Variants in WWOX observed in about 807,000 individuals in gnomAD.
WWOX encodes the protein WW domain containing oxidoreductase, also known as WW domain-containing oxidoreductase.
A neutral mutation model predicts 46.2 loss-of-function variants in WWOX; 69 were observed. That is an observed-to-expected ratio of 1.49 (90% CI 1.23 to 1.82). The LOEUF is 1.82. Ranked by LOEUF, WWOX falls within the 40% of genes most tolerant of loss-of-function variation. The pLI is 0.00. For missense variants in WWOX, 919 were observed against 542.6 expected (o/e 1.69, Z -6.89); for synonymous variants, 359 against 202.6 (o/e 1.77, Z -6.56).
chr16:78,874,036 C>A (rs552409951), intron 8 of WWOX, among the ~76,000 whole-genome samples: 14 of 151,428 alleles, frequency 9.2e-5, no homozygotes, highest in African/African-American at 1.5e-4. Context: ...CCGGGGTGGG[C>A]GGATCACAAG....
intron 8 of WWOX, among the ~76,000 whole-genome samples, chr16:79,113,599 A>C (rs555880194): frequency 1.3e-5 from 2 of 152,248 alleles, no homozygotes; most frequent in African/African-American, 4.8e-5. Flanking sequence ...CCTGTCGCCA[A>C]AGAAGGTCCC....
chr16:78,208,357 C>G (rs2036458561), intron 5 of WWOX, among the ~76,000 whole-genome samples: 1 of 152,124 alleles, frequency 6.6e-6, no homozygotes, highest in Admixed American at 6.5e-5. Context: ...TTTATATGTT[C>G]TTGGTCCTTT....
rs749795340 is a variant in WWOX, at chr16:78,440,625, C to CT, written c.1056+7882dup. The stretch of plus-strand genomic sequence containing the variant: ...ATAATTTCTGTAGTTTTTTTTTTTT[C>CT]TTTTTTTTTGAGACGGAGTGTCTCT... On this transcript the variant is annotated intron_variant, in intron 8 of 8. Coordinates refer to ENST00000566780, the MANE Select transcript of WWOX (RefSeq NM_016373.4). Among the ~76,000 whole-genome samples the CT allele has an allele frequency of 9.1e-3, 1,148 of 126,534 alleles. 5 individuals are homozygous for CT. The highest frequency in any genetic ancestry group is 0.013 in the Non-Finnish European group (782 of 61,706). The allele number at this position is 126,534 out of a possible 152,430, so 83.0% of individuals were successfully genotyped here.
rs1208430333 is a variant in WWOX, at chr16:78,338,167, GAAAC to G, written c.517-48688_517-48685del. On this transcript the variant is annotated intron_variant, in intron 5 of 8. Coordinates refer to ENST00000566780, the MANE Select transcript of WWOX (RefSeq NM_016373.4). Reference sequence around the variant, plus strand: ...ACTATTAATATGAATTTATCACATGGAAACAAACTTTTAAAAAAATTAATTTTGT... The same window carrying G: ...ACTATTAATATGAATTTATCACATGGAAACTTTTAAAAAAATTAATTTTGT... Among the ~76,000 whole-genome samples, 4 of 104,994 alleles carry G rather than the reference GAAAC, an allele frequency of 3.8e-5. 1 individual carries two copies. Among genetic ancestry groups the G allele is most frequent in the African/African-American group, 1.4e-4 (4 of 27,888 alleles). The allele number at this position is 104,994 out of a possible 152,430, so 68.9% of individuals were successfully genotyped here. A position where few individuals can be genotyped will look rare whatever the true frequency, so the allele number is the denominator to read the frequency against.
At chr16:78,363,536 C>G (rs576788567) in intron 5 of WWOX, among the ~76,000 whole-genome samples, 7 of 152,140 alleles carry the variant, frequency 4.6e-5, no homozygotes, top group Non-Finnish European at 7.3e-5. Flanking sequence ...AGCTTGGCCT[C>G]CCAAAGTGCT....
intron 8 of WWOX, among the ~76,000 whole-genome samples, chr16:78,819,446 C>T (rs868696352): frequency 2.0e-5 from 3 of 152,292 alleles, no homozygotes; most frequent in Middle Eastern, 3.4e-3. Flanking sequence ...ATGACAATGA[C>T]CCAACAACCT....
intron 8 of WWOX, among the ~76,000 whole-genome samples, chr16:78,860,198 A>T (rs188943553): frequency 3.9e-5 from 6 of 152,322 alleles, no homozygotes; most frequent in South Asian, 2.1e-4. Context: ...TTTACCAAAT[A>T]TTTACTTATA....
chr16:78,753,149 A>T (rs1193883113), intron 8 of WWOX, among the ~76,000 whole-genome samples: 1 of 151,970 alleles, frequency 6.6e-6, no homozygotes, highest in Admixed American at 6.6e-5. Flanking sequence ...ACAAAAACAA[A>T]ATTAGCCGGG....
intron 8 of WWOX, among the ~76,000 whole-genome samples, chr16:79,207,011 C>G (rs925760721): frequency 6.6e-6 from 1 of 152,146 alleles, no homozygotes; most frequent in Non-Finnish European, 1.5e-5. Context: ...ATCCCAAGCA[C>G]CGAGGTATCT....
chr16:78,828,370 G>T (rs560845426), intron 8 of WWOX, among the ~76,000 whole-genome samples: 1 of 152,098 alleles, frequency 6.6e-6, no homozygotes, highest in Non-Finnish European at 1.5e-5. Flanking sequence ...TGAGAAGAAC[G>T]GATACGGTTA....
chr16:78,686,705 T>C (rs2047869613), intron 8 of WWOX, among the ~76,000 whole-genome samples: 1 of 152,134 alleles, frequency 6.6e-6, no homozygotes, highest in Non-Finnish European at 1.5e-5. Flanking sequence ...CCAGTTGTTT[T>C]AGGAAAGGCC....
chr16:78,352,944 C>A (rs923496395), intron 5 of WWOX, among the ~76,000 whole-genome samples: 1 of 152,096 alleles, frequency 6.6e-6, no homozygotes, highest in Non-Finnish European at 1.5e-5. Context: ...TTATTTTATT[C>A]TTTAATGATT....
At chr16:78,525,456 A>T (rs1414944893) in intron 8 of WWOX, 1 of 152,210 alleles carries the variant, frequency 6.6e-6, no homozygotes, top group African/African-American at 2.4e-5. Context: ...AAGTGCTGGG[A>T]TTACAGGCAT....
chr16:78,510,948 C>T (rs1354428774), intron 8 of WWOX, among the ~76,000 whole-genome samples: 14 of 152,214 alleles, frequency 9.2e-5, no homozygotes, highest in Admixed American at 9.2e-4. Context: ...TGTGTTGTTT[C>T]CATCTGATAT....
chr16:78,476,463 C>T lies in WWOX; in HGVS notation c.1056+43711C>T, dbSNP rs139800546. 4.6e-5 allele frequency among the ~76,000 whole-genome samples: 7 copies of T among 151,652 alleles called. No individual in the cohort carries two copies. In the East Asian group the frequency reaches 5.8e-4, roughly 13 times the overall value. ...ACACACCGGGGCCTGTTGTGGGGTGCGGGGAGGGGAGAGGGATAGCATTAG... is the reference window on the plus strand; with the variant it reads ...ACACACCGGGGCCTGTTGTGGGGTGTGGGGAGGGGAGAGGGATAGCATTAG... On this transcript the variant is annotated intron_variant, in intron 8 of 8. Transcript: ENST00000566780.
chr16:78,395,635 C>T (rs946084232), intron 6 of WWOX, among the ~76,000 whole-genome samples: 3 of 152,168 alleles, frequency 2.0e-5, no homozygotes, highest in Non-Finnish European at 4.4e-5. Flanking sequence ...ATGAGCTTCA[C>T]ATTGCCTGCA....
At chr16:79,086,482 G>T (rs1202837996) in intron 8 of WWOX, among the ~76,000 whole-genome samples, 1 of 152,138 alleles carries the variant, frequency 6.6e-6, no homozygotes, top group Non-Finnish European at 1.5e-5. Context: ...ATCAAAACTT[G>T]TGGTGGAAGC....
Position 78,871,433 on chromosome 16 carries a change from T to G in WWOX, c.1057-340175T>G, listed in dbSNP as rs189962662. Among the ~76,000 whole-genome samples the G allele has an allele frequency of 3.9e-3, 591 of 152,296 alleles. 2 individuals carry two copies. The highest frequency in any genetic ancestry group is 6.1e-3 in the Non-Finnish European group (416 of 68,018). On this transcript the variant is annotated intron_variant, in intron 8 of 8. Coordinates refer to ENST00000566780, the MANE Select transcript of WWOX (RefSeq NM_016373.4). ...ACTGAATGGTTGGCACAGGCTTCGA[T>G]GAAGCTTGTGTCCACCACAGTTTCC...
At chr16:78,486,757 T>A (rs1391760696) in intron 8 of WWOX, among the ~76,000 whole-genome samples, 1 of 152,030 alleles carries the variant, frequency 6.6e-6, no homozygotes, top group Non-Finnish European at 1.5e-5. Context: ...TATTTTCAGT[T>A]GAGATAAGGG....
Sources: gnomAD v4.1 joint callset for allele counts (sites outside exome capture counted in the v4.1 genomes callset) on GRCh38, gnomAD v4.1.1 for gene constraint, MANE v1.5 for transcripts, NCBI Gene and HGNC (gene_info 2026-07-23, HGNC 2026-07-21) for gene names.